Variants in CRY2 observed in about 807,000 individuals in gnomAD.
CRY2 encodes cryptochrome-2.
Under a neutral mutation model 69.5 loss-of-function variants are expected in CRY2, and 31 were observed. That is an observed-to-expected ratio of 0.45 (90% CI 0.34 to 0.60). The LOEUF is 0.60. CRY2 is among the 20% of genes least tolerant of loss of function. The pLI is 0.02. For missense variants in CRY2, 606 were observed against 797.8 expected (o/e 0.76, Z 2.90); for synonymous variants, 303 against 312.2 (o/e 0.97, Z 0.31).
chr11:45,861,884 G>A (rs2086290851), intron 4 of CRY2, 176 bp from the exon 5 acceptor site: 1 of 607,860 alleles, frequency 1.6e-6, no homozygotes, highest in Non-Finnish European at 2.9e-6. Context: ...AATAGTGACT[G>A]TGGGAAGAGA....
chr11:45,848,671 G>A (rs1226816808), intron 1 of CRY2, among the ~76,000 whole-genome samples: 1 of 152,186 alleles, frequency 6.6e-6, no homozygotes, highest in Non-Finnish European at 1.5e-5. Flanking sequence ...TGTACCCATC[G>A]CTCTTCAGAA....
chr11:45,861,037 G>T lies in CRY2; in HGVS notation c.652+5G>T. The T allele has an allele frequency of 1.2e-6, 2 of 1,609,250 alleles. No individual in the cohort carries two copies. Among genetic ancestry groups the T allele is most frequent in the Non-Finnish European group, 1.7e-6 (2 of 1,178,162 alleles). ...TGCCCTCCCTGGAGGAGCTGGGTGC[G>T]TACTTCCTGCCCAGAGCCACTTGTG... On this transcript the variant is annotated splice_donor_5th_base_variant and intron_variant, in intron 4 of 11. Transcript: ENST00000616080.
intron 4 of CRY2, 155 bp downstream of exon 4, chr11:45,861,187 A>T (rs1435678232): frequency 1.4e-6 from 1 of 730,200 alleles, no homozygotes; most frequent in African/African-American, 1.8e-5. Context: ...ACCCAGAGGT[A>T]ACCACAATTA....
Position 45,869,647 on chromosome 11 carries a change from A to C in CRY2, c.1024A>C (p.Asn342His), listed in dbSNP as rs1412516020. The stretch of plus-strand genomic sequence containing the variant: ...CTGCATCCAGATCCCCTGGGACCGC[A>C]ATCCTGAGGCCCTGGCCAAGTGGGC... Reference protein sequence around the residue: ...PICIQIPWDRNPEALAKWAEG... With the variant: ...PICIQIPWDRHPEALAKWAEG... The change falls in exon 7 of 12, where the codon AAT becomes CAT. Residue 342 changes from asparagine (N) to histidine (H), a missense_variant. Physicochemically the swap from Asn to His is moderately conservative, Grantham distance 68. Transcript: ENST00000616080. The C allele has an allele frequency of 1.2e-6, 2 of 1,614,266 alleles. No individual in the cohort carries two copies. The highest frequency in any genetic ancestry group is 2.2e-5 in the South Asian group (2 of 91,090).
At chr11:45,852,816 G>T (rs1045084385) in intron 1 of CRY2, among the ~76,000 whole-genome samples, 2 of 152,224 alleles carry the variant, frequency 1.3e-5, no homozygotes, top group Admixed American at 1.3e-4. Context: ...TGAATCACCA[G>T]GGGATCTTGC....
chr11:45,863,498 A>G (rs1590766452), intron 5 of CRY2, among the ~76,000 whole-genome samples: 1 of 151,904 alleles, frequency 6.6e-6, no homozygotes, highest in Non-Finnish European at 1.5e-5. Context: ...TGTCCTGCAC[A>G]TCTGGGAGAA....
chr11:45,865,398 CAT>C (rs144838281), intron 5 of CRY2, among the ~76,000 whole-genome samples: 3,326 of 152,266 alleles, frequency 0.022, 119 homozygotes, highest in African/African-American at 0.074. Flanking sequence ...TTAAGTCACA[CAT>C]GTGTGTGATT....
chr11:45,850,288 A>T (rs2086188073), intron 1 of CRY2, among the ~76,000 whole-genome samples: 1 of 152,260 alleles, frequency 6.6e-6, no homozygotes, highest in South Asian at 2.1e-4. Context: ...GATTGCAAGT[A>T]TGAGCCACTG....
chr11:45,870,080 G>T lies in CRY2; in HGVS notation c.1222G>T (p.Asp408Tyr). The T allele has an allele frequency of 6.2e-7, 1 of 1,610,292 alleles. No individual in the cohort carries two copies. Among genetic ancestry groups the T allele is most frequent in the Non-Finnish European group, 8.5e-7 (1 of 1,177,892 alleles). ...RVFDELLLDADFSVNAGSWMW... is the reference protein window; with the variant it reads ...RVFDELLLDAYFSVNAGSWMW... ...ATTTGATGAGCTGCTCCTGGATGCA[G>T]ATTTCAGCGTGAACGCAGGCAGCTG... is the stretch of plus-strand genomic sequence containing the variant. Residue 408 changes from aspartate to tyrosine, a missense_variant, in exon 8 of 12, where the codon GAT (aspartate) becomes TAT (tyrosine). By Grantham distance (160) the Asp-to-Tyr change is radical (BLOSUM62 -3). Transcript: ENST00000616080.
intron 11 of CRY2, among the ~76,000 whole-genome samples, chr11:45,879,130 G>A (rs1402209745): frequency 1.3e-5 from 2 of 148,990 alleles, no homozygotes; most frequent in Non-Finnish European, 3.0e-5. Context: ...TCAGGAGGCT[G>A]AGGCAGGAGA....
chr11:45,875,661 G>A (rs367809711), intron 11 of CRY2, among the ~76,000 whole-genome samples: 1 of 152,336 alleles, frequency 6.6e-6, no homozygotes, highest in South Asian at 2.1e-4. Context: ...AAGGTTGGGG[G>A]TGCAGAGGTC....
rs12292973 is a variant in CRY2 at position 45,877,333 on chromosome 11, C to T, written c.*3-3581C>T. On this transcript the variant is annotated intron_variant, in intron 11 of 11. Coordinates refer to ENST00000616080, the MANE Select transcript of CRY2 (RefSeq NM_021117.5). ...ATGGGGAGAGGGAAACATTGAGACT[C>T]GGTGACAGTCTGCAAACAAAGTTTC... 5.8e-3 allele frequency among the ~76,000 whole-genome samples: 887 copies of T among 152,344 alleles called. 7 individuals are homozygous for T. The highest frequency in any genetic ancestry group is 0.02 in the African/African-American group (846 of 41,574).
chr11:45,870,747 T>C (rs2086372624), intron 9 of CRY2, 95 bp from the exon 10 acceptor site: 1 of 1,184,702 alleles, frequency 8.4e-7, no homozygotes, highest in South Asian at 1.3e-5. Context: ...AGTGTCTTGC[T>C]CCTACCCTCC....
At chr11:45,863,998 TACC>T (rs2086309977) in intron 5 of CRY2, among the ~76,000 whole-genome samples, 1 of 152,204 alleles carries the variant, frequency 6.6e-6, no homozygotes, top group Non-Finnish European at 1.5e-5. Flanking sequence ...GGAATTTGAA[TACC>T]ACCATTTTGT....
At position 45,858,775 on chromosome 11, in the gene CRY2, C is replaced by G. The variant is rs1435023709; in HGVS notation, c.369C>G (p.Pro123=). The G allele has an allele frequency of 6.2e-7, 1 of 1,614,144 alleles. No homozygotes were observed. The highest frequency in any genetic ancestry group is 1.7e-5 in the Admixed American group (1 of 60,016). ...TRLTFEYDSE[P]FGKERDAAIM... The stretch of plus-strand genomic sequence containing the variant: ...TGACCTTTGAATATGACTCTGAACC[C>G]TTTGGGAAAGAACGGGATGCAGCCA... Residue 123 remains proline, a synonymous_variant, in exon 3 of 12, where the codon CCC becomes CCG. Transcript: ENST00000616080.
intron 1 of CRY2, among the ~76,000 whole-genome samples, chr11:45,848,373 G>A (rs1483128925): frequency 6.7e-6 from 1 of 149,912 alleles, no homozygotes; most frequent in Non-Finnish European, 1.5e-5. Context: ...TCTCCAAAAT[G>A]TTTTAAGCCC....
chr11:45,865,885 C>T (rs1306922438), intron 5 of CRY2, among the ~76,000 whole-genome samples: 1 of 152,214 alleles, frequency 6.6e-6, no homozygotes, highest in African/African-American at 2.4e-5. Context: ...CATTACATTA[C>T]TCTGGTCCCA....
intron 11 of CRY2, among the ~76,000 whole-genome samples, chr11:45,879,663 T>G (rs2086453119): frequency 6.6e-6 from 1 of 152,232 alleles, no homozygotes; most frequent in African/African-American, 2.4e-5. Flanking sequence ...CCTCTCTGGT[T>G]TCTGTTTTCT....
At chr11:45,847,217 T>A (rs1392000426), upstream of CRY2, 1 of 1,549,868 alleles carries the variant, frequency 6.5e-7, no homozygotes, top group South Asian at 1.2e-5. Context: ...AGCCCCAGCC[T>A]GCGGACAGCC....
Sources: gnomAD v4.1 joint callset for allele counts (sites outside exome capture counted in the v4.1 genomes callset) on GRCh38, gnomAD v4.1.1 for gene constraint, MANE v1.5 for transcripts, NCBI Gene and HGNC (gene_info 2026-07-23, HGNC 2026-07-21) for gene names.